Variants in ELP3 observed in about 807,000 individuals in gnomAD.
ELP3 encodes elongator complex protein 3.
A neutral mutation model predicts 74.9 loss-of-function variants in ELP3; 56 were observed. That is an observed-to-expected ratio of 0.75 (90% confidence interval 0.60 to 0.93). ELP3 has a LOEUF of 0.93. Ranked by LOEUF, ELP3 falls within the 40% of genes least tolerant of loss-of-function variation. The pLI is 0.00. For missense variants in ELP3, 573 were observed against 686.5 expected, an observed-to-expected ratio of 0.83 and a Z score of 1.85; for synonymous variants, 222 against 239.8, an observed-to-expected ratio of 0.93 and a Z score of 0.68.
chr8:28,137,954 A>C (rs531685588), intron 10 of ELP3, 63 bp downstream of exon 10: 1 of 1,383,776 alleles, frequency 7.2e-7, no homozygotes, highest in East Asian at 2.6e-5. Context: ...TTTCTCATGG[A>C]AATAGTCTGA....
chr8:28,117,187 A>G (rs1010118169), intron 7 of ELP3, among the ~76,000 whole-genome samples: 1 of 152,016 alleles, frequency 6.6e-6, no homozygotes, highest in African/African-American at 2.4e-5. Context: ...TTCATCTCCT[A>G]CAGTTTGGGT....
chr8:28,187,830 G>C (rs1333670388), intron 14 of ELP3, among the ~76,000 whole-genome samples: 1 of 152,148 alleles, frequency 6.6e-6, no homozygotes, highest in East Asian at 1.9e-4. Context: ...TAGACATTCA[G>C]GTGGGTCATG....
intron 10 of ELP3, among the ~76,000 whole-genome samples, chr8:28,141,751 G>C (rs935295581): frequency 6.6e-6 from 1 of 152,084 alleles, no homozygotes; most frequent in African/African-American, 2.4e-5. Context: ...TAATACACTA[G>C]ACAACAAAGC....
At chr8:28,161,381 C>T (rs1202902710) in intron 13 of ELP3, among the ~76,000 whole-genome samples, 2 of 152,054 alleles carry the variant, frequency 1.3e-5, no homozygotes, top group Non-Finnish European at 2.9e-5. Flanking sequence ...CAAGACCAGC[C>T]TGGCCAACCT....
intron 7 of ELP3, among the ~76,000 whole-genome samples, chr8:28,120,050 C>A (rs930336787): frequency 1.5e-4 from 23 of 152,264 alleles, no homozygotes; most frequent in African/African-American, 5.5e-4. Context: ...AATAAAACTT[C>A]AGCGTACGTT....
rs573548999 is a variant in ELP3, at chr8:28,107,526, C to T, written c.330-387C>T. On this transcript the variant is annotated intron_variant, in intron 4 of 14. Coordinates refer to ENST00000256398, the MANE Select transcript of ELP3 (RefSeq NM_018091.6). ...AAACTCACCTATTTGAAAGAATTAG[C>T]GGAAGAGTTTGCATGATTCTGGGTA... is the stretch of plus-strand genomic sequence containing the variant. Among the ~76,000 whole-genome samples the T allele has an allele frequency of 3.3e-5, 5 of 152,208 alleles. No homozygotes were observed. In the South Asian group the frequency reaches 8.3e-4, roughly 25 times the overall value.
At chr8:28,163,400 C>T (rs1413120961) in intron 14 of ELP3, among the ~76,000 whole-genome samples, 1 of 151,990 alleles carries the variant, frequency 6.6e-6, no homozygotes, top group Non-Finnish European at 1.5e-5. Context: ...TGTTGCCAAT[C>T]AGTAAATCAA....
intron 10 of ELP3, 128 bp downstream of exon 10, chr8:28,138,019 T>C (rs901198629): frequency 4.7e-6 from 4 of 847,812 alleles, no homozygotes; most frequent in Non-Finnish European, 6.9e-6. Context: ...ACTGGAATGC[T>C]ATCTGTAAAT....
intron 7 of ELP3, among the ~76,000 whole-genome samples, chr8:28,128,240 G>A (rs997144993): frequency 3.9e-5 from 6 of 152,072 alleles, no homozygotes; most frequent in Admixed American, 6.5e-5. Flanking sequence ...TTGGGGGGCC[G>A]AAGCAGGTGG....
intron 7 of ELP3, among the ~76,000 whole-genome samples, chr8:28,119,991 C>T (rs940621408): frequency 1.3e-5 from 2 of 152,044 alleles, no homozygotes; most frequent in Non-Finnish European, 2.9e-5. Context: ...GTTTGTTTAC[C>T]ATCCTTCTAT....
At chr8:28,115,777 CTGTA>C (rs1186418905) in intron 7 of ELP3, among the ~76,000 whole-genome samples, 1 of 152,184 alleles carries the variant, frequency 6.6e-6, no homozygotes, top group Non-Finnish European at 1.5e-5. Context: ...GTGAGTGTGT[CTGTA>C]TGTATGTGCA....
chr8:28,115,792 C>T (rs1033079562), intron 7 of ELP3, among the ~76,000 whole-genome samples: 7 of 152,162 alleles, frequency 4.6e-5, no homozygotes, highest in African/African-American at 9.7e-5. Context: ...TGTATGTGCA[C>T]ATGTGTGTGC....
At chr8:28,132,052 T>C (rs1450545417) in intron 8 of ELP3, among the ~76,000 whole-genome samples, 1 of 152,152 alleles carries the variant, frequency 6.6e-6, no homozygotes, top group East Asian at 1.9e-4. Flanking sequence ...ATCTCAGAAA[T>C]AAAGTTATTT....
At chr8:28,146,113 T>C (rs1234215332) in intron 10 of ELP3, among the ~76,000 whole-genome samples, 1 of 152,204 alleles carries the variant, frequency 6.6e-6, no homozygotes, top group East Asian at 1.9e-4. Flanking sequence ...ATTTATACTT[T>C]TTAGTTTTAT....
chr8:28,103,173 A>AAAAC (rs370258663), intron 3 of ELP3, among the ~76,000 whole-genome samples: 36 of 118,190 alleles, frequency 3.0e-4, no homozygotes, highest in East Asian at 8.1e-4. Context: ...CTGTCTCAAA[A>AAAAC]AAACAAACAA....
At chr8:28,145,919 C>T (rs1029708926) in intron 10 of ELP3, among the ~76,000 whole-genome samples, 3 of 152,084 alleles carry the variant, frequency 2.0e-5, no homozygotes, top group Non-Finnish European at 2.9e-5. Context: ...CCACCATGCC[C>T]GGCCAAGAAG....
chr8:28,140,023 A>T (rs1002988723), intron 10 of ELP3, among the ~76,000 whole-genome samples: 1 of 152,144 alleles, frequency 6.6e-6, no homozygotes, highest in Non-Finnish European at 1.5e-5. Flanking sequence ...ACACCATTTT[A>T]TATGAGGGAC....
intron 14 of ELP3, among the ~76,000 whole-genome samples, chr8:28,175,009 G>T (rs1020066200): frequency 5.3e-5 from 8 of 152,084 alleles, no homozygotes; most frequent in African/African-American, 1.9e-4. Flanking sequence ...AATATCAGTT[G>T]TTAGTCTAAT....
At position 28,111,562 on chromosome 8, in the gene ELP3, A is replaced by T. The variant is rs1811916140; in HGVS notation, c.462+1124A>T. On this transcript the variant is annotated intron_variant, in intron 6 of 14. Coordinates refer to ENST00000256398, the MANE Select transcript of ELP3 (RefSeq NM_018091.6). ...CACTTTGCTGTCACCCAAGCGTATGAGGAACAGGATTGTCGGTGACAGGAG... is the reference window on the plus strand; with the variant it reads ...CACTTTGCTGTCACCCAAGCGTATGTGGAACAGGATTGTCGGTGACAGGAG... Among the ~76,000 whole-genome samples the T allele has an allele frequency of 3.9e-5, 6 of 152,342 alleles. No individual in the cohort carries two copies. The South Asian group carries it at 1.2e-3, about 32-fold the overall frequency.
Sources: gnomAD v4.1 joint callset for allele counts (sites outside exome capture counted in the v4.1 genomes callset) on GRCh38, gnomAD v4.1.1 for gene constraint, MANE v1.5 for transcripts, NCBI Gene and HGNC (gene_info 2026-07-23, HGNC 2026-07-21) for gene names.